Variants in BRD1 observed in about 807,000 individuals in gnomAD.
The protein encoded by BRD1 is bromodomain containing 1, also known as bromodomain-containing protein 1.
BRD1 carries 24 observed loss-of-function variants against 107.7 expected under a neutral mutation model. The ratio of observed to expected loss-of-function variants is 0.22; its 90% CI spans 0.16 to 0.31. The LOEUF (loss-of-function observed/expected upper bound fraction) is 0.31. Ranked by LOEUF, BRD1 falls within the 10% of genes least tolerant of loss-of-function variation. BRD1 has a pLI of 1.00. For missense variants in BRD1, 1,279 were observed against 1,638.6 expected (o/e 0.78, Z 3.79); for synonymous variants, 744 against 686.1 (o/e 1.08, Z -1.32).
rs113582030 is a variant in BRD1 at position 49,800,522 on chromosome 22, C to T, written c.1525-1403G>A. 1.7e-3 allele frequency among the ~76,000 whole-genome samples: 252 copies of T among 152,296 alleles called. 1 individual carries two copies. The highest frequency in any genetic ancestry group is 5.5e-3 in the African/African-American group (228 of 41,562). On this transcript the variant is annotated intron_variant, in intron 3 of 12. Transcript: ENST00000404760. ...CTTCTGAAAACCTCGGCCAAAAGGA[C>T]ATTTGGCCTGGGAATCTGTTACGAA...
At chr22:49,805,687 G>C (rs555504890) in intron 2 of BRD1, 1 of 152,376 alleles carries the variant, frequency 6.6e-6, no homozygotes, top group African/African-American at 2.4e-5. Flanking sequence ...TTGGGACTGA[G>C]GCAAACCATG....
Position 49,804,299 on chromosome 22 carries a change from G to A in BRD1, c.1429C>T (p.His477Tyr). 2 of 1,610,782 alleles carry A rather than the reference G, an allele frequency of 1.2e-6. No homozygotes were observed. The highest frequency in any genetic ancestry group is 1.7e-6 in the Non-Finnish European group (2 of 1,178,478). Residue 477 changes from histidine to tyrosine, a missense_variant, in exon 3 of 13, where the codon CAC (histidine) becomes TAC (tyrosine). Transcript: ENST00000404760. ...QRKKQFVERAHSYWLLKRLSR... is the reference protein window; with the variant it reads ...QRKKQFVERAYSYWLLKRLSR... Reference sequence around the variant, plus strand: ...AGCCGCTTGAGCAGCCAGTAGCTGTGGGCTCGCTCCACAAACTGCTTCTTC... The same window carrying A: ...AGCCGCTTGAGCAGCCAGTAGCTGTAGGCTCGCTCCACAAACTGCTTCTTC...
In BRD1 at chr22:49,823,270, A is replaced by C. The variant is rs1385590325; in HGVS notation, c.1048T>G (p.Phe350Val). ...QCHKANCYTAFHVTCAQKAGL... is the reference protein window; with the variant it reads ...QCHKANCYTAVHVTCAQKAGL... ...GCCTTCTGGGCACACGTCACATGGA[A>C]TGCTGTGTAGCAGTTTGCTTTGTGG... is the stretch of plus-strand genomic sequence containing the variant. Residue 350 changes from phenylalanine (F) to valine (V), a missense_variant, in exon 2 of 13, where the codon TTC (phenylalanine) becomes GTC (valine). By Grantham distance (50) the Phe-to-Val change is conservative. Coordinates refer to ENST00000404760, the MANE Select transcript of BRD1 (RefSeq NM_001304808.3). 1 of 1,614,182 alleles carries C rather than the reference A, an allele frequency of 6.2e-7. No individual in the cohort carries two copies. The highest frequency in any genetic ancestry group is 1.3e-5 in the African/African-American group (1 of 75,042).
In BRD1 at chr22:49,783,314, C is replaced by A. The variant is rs915899106; in HGVS notation, c.2857+4076G>T. On this transcript the variant is annotated intron_variant, in intron 8 of 12. Coordinates refer to ENST00000404760, the MANE Select transcript of BRD1 (RefSeq NM_001304808.3). This position sits in a 1 kb window ranked among gnomAD's most constrained non-coding sequence, Gnocchi z 4.2. ...CAAACAGCAGCACTGCTCAAGAATCCACTGGGCATTGTGGGGAAAAAACAG... is the reference window on the plus strand; with the variant it reads ...CAAACAGCAGCACTGCTCAAGAATCAACTGGGCATTGTGGGGAAAAAACAG... 2.0e-5 allele frequency among the ~76,000 whole-genome samples: 3 copies of A among 152,270 alleles called. No homozygotes were observed. The highest frequency in any genetic ancestry group is 4.4e-5 in the Non-Finnish European group (3 of 68,050).
intron 7 of BRD1, among the ~76,000 whole-genome samples, chr22:49,790,283 G>A (rs1051513017): frequency 1.3e-5 from 2 of 152,158 alleles, no homozygotes; most frequent in Admixed American, 6.5e-5. Flanking sequence ...CGACACAACA[G>A]GCAAGCCCAA....
rs960383021 is a variant in BRD1, at chr22:49,793,974, C to G, written c.2359+60G>C. 7.7e-6 allele frequency: 12 copies of G among 1,564,026 alleles called. No individual in the cohort carries two copies. In the African/African-American group the frequency reaches 1.5e-4, roughly 19 times the overall value. On this transcript the variant is annotated intron_variant, in intron 7 of 12. Transcript: ENST00000404760. Reference sequence around the variant, plus strand: ...GCCCGTGTCTGGGTCTGTGCCTGTGCCTGTGCCTGAGCCTGAGCCGTGACG... The same window carrying G: ...GCCCGTGTCTGGGTCTGTGCCTGTGGCTGTGCCTGAGCCTGAGCCGTGACG...
intron 2 of BRD1, among the ~76,000 whole-genome samples, chr22:49,814,472 CA>C (rs2059912851): frequency 6.6e-6 from 1 of 152,208 alleles, no homozygotes; most frequent in African/African-American, 2.4e-5. Context: ...TGCCCATCGC[CA>C]GGGGACACCT....
At position 49,774,048 on chromosome 22, in the gene BRD1, C is replaced by A; in HGVS notation, c.*185G>T. On this transcript the variant is annotated 3_prime_UTR_variant, in exon 13 of 13. Coordinates refer to ENST00000404760, the MANE Select transcript of BRD1 (RefSeq NM_001304808.3). ...CACTGGGCTGCCCGGACGTGCCCAC[C>A]CCACTCACAGCGCCCAGACGGAGAT... 1 of 768,512 alleles carries A rather than the reference C, an allele frequency of 1.3e-6. No individual in the cohort carries two copies. The highest frequency in any genetic ancestry group is 2.0e-6 in the Non-Finnish European group (1 of 505,716). 47.6% of individuals were successfully genotyped at this position (768,512 alleles called of 1,614,324 possible).
intron 8 of BRD1, among the ~76,000 whole-genome samples, chr22:49,785,646 T>C (rs1465902578): frequency 6.6e-6 from 1 of 152,254 alleles, no homozygotes; most frequent in Non-Finnish European, 1.5e-5. Flanking sequence ...TTTCAATAGC[T>C]TCCTATTACT....
At chr22:49,804,604 T>C (rs1385938344) in intron 2 of BRD1, among the ~76,000 whole-genome samples, 1 of 152,200 alleles carries the variant, frequency 6.6e-6, no homozygotes, top group African/African-American at 2.4e-5. Flanking sequence ...ATCCCAGCAC[T>C]TTGGGAGGCC....
At position 49,823,175 on chromosome 22, in the gene BRD1, C is replaced by T. The variant is rs746524907; in HGVS notation, c.1143G>A (p.Lys381=). 6.2e-7 allele frequency: 1 copy of T among 1,614,210 alleles called. No homozygotes were observed. Among genetic ancestry groups the T allele is most frequent in the Non-Finnish European group, 8.5e-7 (1 of 1,180,038 alleles). ...TGGGTTFSVR[K]TAYCDVHTPP... ...GCGTGTGGACATCACAGTAAGCGGT[C>T]TTTCTGACGGAGAAGGTGGTGCCAC... Residue 381 remains lysine (K), a synonymous_variant, in exon 2 of 13, where the codon AAG becomes AAA. Coordinates refer to ENST00000404760, the MANE Select transcript of BRD1 (RefSeq NM_001304808.3).
At chr22:49,815,198 C>CA (rs1188312948) in intron 2 of BRD1, among the ~76,000 whole-genome samples, 3 of 152,208 alleles carry the variant, frequency 2.0e-5, no homozygotes, top group Non-Finnish European at 4.4e-5. Flanking sequence ...TCTGAGCACT[C>CA]AGAGTTTTCC....
At chr22:49,797,414 G>A (rs866906867) in intron 6 of BRD1, among the ~76,000 whole-genome samples, 5 of 152,092 alleles carry the variant, frequency 3.3e-5, no homozygotes, top group African/African-American at 9.7e-5. Context: ...CTGCATCGTC[G>A]AGACCGGCCA....
intron 6 of BRD1, among the ~76,000 whole-genome samples, chr22:49,794,563 C>T (rs909785717): frequency 6.6e-6 from 1 of 152,200 alleles, no homozygotes; most frequent in Non-Finnish European, 1.5e-5. Flanking sequence ...CAGGTAAGAT[C>T]GCAACCTCTC....
At position 49,776,168 on chromosome 22, in the gene BRD1, AG is replaced by A; in HGVS notation, c.3122-10del. ...GCTGCTCTGGCCGACTTCTGCGGAG[AG>A]GGGCGTCAGCAGGACACAGGCGTCA... On this transcript the variant is annotated splice_polypyrimidine_tract_variant and intron_variant, in intron 10 of 12. Transcript: ENST00000404760. 6.2e-7 allele frequency: 1 copy of A among 1,601,460 alleles called. No individual in the cohort carries two copies. Among genetic ancestry groups the A allele is most frequent in the Non-Finnish European group, 8.5e-7 (1 of 1,178,948 alleles).
rs372316658 is a variant in BRD1, at chr22:49,787,451, C to T, written c.2796G>A (p.Ser932=). ...CCTCGGAGTCTCCGCATGTGCTCCG[C>T]GACCTTTTCCTTGGCTGCAGAAGAG... ...LETLLQPRKR[S]RSTCGDSEVE... The change falls in exon 8 of 13, where the codon TCG becomes TCA. Residue 932 remains serine, a synonymous_variant. Coordinates refer to ENST00000404760, the MANE Select transcript of BRD1 (RefSeq NM_001304808.3). 4 of 1,614,198 alleles carry T rather than the reference C, an allele frequency of 2.5e-6. No homozygotes were observed. In the South Asian group the frequency reaches 4.4e-5, roughly 18 times the overall value.
chr22:49,775,864 C>T (rs1260957431), intron 11 of BRD1, 119 bp from the exon 12 acceptor site: 2 of 1,285,526 alleles, frequency 1.6e-6, no homozygotes, highest in Non-Finnish European at 2.1e-6. Context: ...TCAGACCACC[C>T]CCACGCCCCC....
At chr22:49,810,723 G>A (rs370271403) in intron 2 of BRD1, among the ~76,000 whole-genome samples, 15 of 152,204 alleles carry the variant, frequency 9.9e-5, no homozygotes, top group African/African-American at 3.6e-4. Context: ...TTCAGCCACT[G>A]TGGAACTGCA....
intron 5 of BRD1, among the ~76,000 whole-genome samples, 171 bp downstream of exon 5, chr22:49,798,387 T>C (rs1261298680): frequency 6.6e-6 from 1 of 152,210 alleles, no homozygotes; most frequent in African/African-American, 2.4e-5. Context: ...CTTTCAGTAT[T>C]TTACAATGAA....
Sources: allele counts gnomAD v4.1 joint callset (sites outside exome capture counted in the v4.1 genomes callset), GRCh38; gene constraint gnomAD v4.1.1; non-coding constraint Gnocchi (gnomAD v3.1); transcripts MANE v1.5; gene names NCBI Gene and HGNC (gene_info 2026-07-23, HGNC 2026-07-21).